Variants in PTPRO observed in about 807,000 individuals in gnomAD.
The protein encoded by PTPRO is receptor-type tyrosine-protein phosphatase O.
In PTPRO, 62 loss-of-function variants were observed where a neutral mutation model predicts 145.2. The ratio of observed to expected loss-of-function variants is 0.43; its 90% CI spans 0.35 to 0.53. The LOEUF (loss-of-function observed/expected upper bound fraction) is 0.53. Among genes scored for constraint, PTPRO ranks in the 20% least tolerant of loss-of-function variants. The pLI is 0.01. For missense variants in PTPRO, 1,345 were observed against 1,482.7 expected, an observed-to-expected ratio of 0.91 and a Z score of 1.53; for synonymous variants, 565 against 514.7, an observed-to-expected ratio of 1.10 and a Z score of -1.32.
intron 19 of PTPRO, among the ~76,000 whole-genome samples, chr12:15,569,986 C>T (rs1000336844): frequency 6.6e-6 from 1 of 152,166 alleles, no homozygotes; most frequent in African/African-American, 2.4e-5. Context: ...TACTTAATAA[C>T]TTTTGTGCAG....
intron 1 of PTPRO, among the ~76,000 whole-genome samples, chr12:15,404,013 G>A (rs1186496830): frequency 7.2e-5 from 11 of 151,834 alleles, no homozygotes; most frequent in African/African-American, 2.7e-4. Flanking sequence ...TGGCTAACAC[G>A]GTGAAACCCC....
At chr12:15,557,105 A>C (rs1565426825) in intron 15 of PTPRO, among the ~76,000 whole-genome samples, 1 of 149,584 alleles carries the variant, frequency 6.7e-6, no homozygotes, top group Non-Finnish European at 1.5e-5. Context: ...CGGTGGCGCG[A>C]TCTCTGCTCA....
chr12:15,326,228 A>G (rs1436868117), intron 1 of PTPRO, among the ~76,000 whole-genome samples: 1 of 152,174 alleles, frequency 6.6e-6, no homozygotes, highest in Non-Finnish European at 1.5e-5. Context: ...ATTTTGCTGG[A>G]GCAGCTTAGA....
At chr12:15,472,912 A>G (rs1264852394) in intron 1 of PTPRO, among the ~76,000 whole-genome samples, 1 of 152,114 alleles carries the variant, frequency 6.6e-6, no homozygotes, top group East Asian at 1.9e-4. Flanking sequence ...AAGGAACAAG[A>G]GCTCCTTCCC....
intron 1 of PTPRO, among the ~76,000 whole-genome samples, chr12:15,388,408 C>A (rs1939090797): frequency 6.6e-6 from 1 of 152,020 alleles, no homozygotes; most frequent in South Asian, 2.1e-4. Flanking sequence ...TGCACTGAAG[C>A]TTTTTTCTTC....
rs144293051 is a variant in PTPRO, at chr12:15,464,521, A to ATTT, written c.76-19451_76-19449dup. On this transcript the variant is annotated intron_variant, in intron 1 of 26. Coordinates refer to ENST00000281171, the MANE Select transcript of PTPRO (RefSeq NM_030667.3). ...AGGCACATGCCACCACGCCCAGCTA[A>ATTT]TTTTGTTTTTTTTTTTGTATTTTTA... 2.0e-3 allele frequency among the ~76,000 whole-genome samples: 292 copies of ATTT among 143,406 alleles called. 5 individuals carry two copies. Among genetic ancestry groups the ATTT allele is most frequent in the African/African-American group, 7.3e-3 (284 of 38,810 alleles). 94.1% of individuals were successfully genotyped at this position (143,406 alleles called of 152,430 possible). A position where few individuals can be genotyped will look rare whatever the true frequency, so the allele number is the denominator to read the frequency against.
chr12:15,561,819 T>G (rs1486995670), intron 17 of PTPRO, among the ~76,000 whole-genome samples: 3 of 152,158 alleles, frequency 2.0e-5, no homozygotes, highest in Non-Finnish European at 4.4e-5. Context: ...ATATATCATT[T>G]CCTTGCTTAA....
intron 4 of PTPRO, 82 bp from the exon 5 acceptor site, chr12:15,501,538 T>A: frequency 8.0e-7 from 1 of 1,257,254 alleles, no homozygotes; most frequent in Non-Finnish European, 1.1e-6. Context: ...AATCTGCTTG[T>A]GTACCTGACT....
At chr12:15,557,165 C>T (rs908334368) in intron 15 of PTPRO, among the ~76,000 whole-genome samples, 34 of 151,970 alleles carry the variant, frequency 2.2e-4, no homozygotes, top group African/African-American at 8.0e-4. Flanking sequence ...CTCAGCCTCC[C>T]GAGTAGCTGG....
intron 1 of PTPRO, among the ~76,000 whole-genome samples, chr12:15,427,435 C>A (rs116784483): frequency 2.0e-5 from 3 of 151,648 alleles, no homozygotes; most frequent in Admixed American, 1.3e-4. Flanking sequence ...TTAATGTTTG[C>A]ATGTCTGTCT....
At chr12:15,437,181 G>T (rs905322521) in intron 1 of PTPRO, among the ~76,000 whole-genome samples, 1 of 151,830 alleles carries the variant, frequency 6.6e-6, no homozygotes, top group African/African-American at 2.4e-5. Context: ...CATTCACCTG[G>T]TTCAGCAGCC....
chr12:15,396,724 C>T lies in PTPRO; in HGVS notation c.75+73923C>T, dbSNP rs1257097087. Among the ~76,000 whole-genome samples, 3 of 152,086 alleles carry T rather than the reference C, an allele frequency of 2.0e-5. No homozygotes were observed. The South Asian group carries it at 6.2e-4, about 32-fold the overall frequency. On this transcript the variant is annotated intron_variant, in intron 1 of 26. Transcript: ENST00000281171. ...CAACACTGTATGGACTTTTATGATT[C>T]TATAGAGGAAGAAAATAAAATGGAA...
chr12:15,500,858 G>T (rs564070985), intron 4 of PTPRO, among the ~76,000 whole-genome samples: 1 of 152,288 alleles, frequency 6.6e-6, no homozygotes, highest in East Asian at 1.9e-4. Context: ...GGAGGCGGAG[G>T]TTGCAGTGAG....
At chr12:15,350,839 C>T (rs888910927) in intron 1 of PTPRO, among the ~76,000 whole-genome samples, 10 of 152,184 alleles carry the variant, frequency 6.6e-5, no homozygotes, top group Admixed American at 2.0e-4. Context: ...GTGGAAGCTG[C>T]GGACATGTGG....
At chr12:15,489,736 C>T (rs1941961606) in intron 2 of PTPRO, among the ~76,000 whole-genome samples, 1 of 152,162 alleles carries the variant, frequency 6.6e-6, no homozygotes, top group Admixed American at 6.5e-5. Context: ...TACCCAGTCC[C>T]TATTCATGAT....
chr12:15,417,922 C>G lies in PTPRO; in HGVS notation c.76-66052C>G, dbSNP rs1262780129. 2.6e-5 allele frequency among the ~76,000 whole-genome samples: 4 copies of G among 151,676 alleles called. 1 individual carries two copies. The highest frequency in any genetic ancestry group is 9.8e-5 in the African/African-American group (4 of 40,992). ...ACAGTGCTGGGAGTGTGGCCTAAAG[C>G]AATGTAATACTAAGTGAAGTCAGAA... On this transcript the variant is annotated intron_variant, in intron 1 of 26. Transcript: ENST00000281171.
chr12:15,549,268 AATAT>A (rs10541885), intron 14 of PTPRO, 42 bp downstream of exon 14: 80 of 1,369,986 alleles, frequency 5.8e-5, no homozygotes, highest in East Asian at 1.0e-4. Context: ...ACTTTTTTTG[AATAT>A]ATATATATAT....
chr12:15,490,465 AT>A (rs1327681368), intron 2 of PTPRO, among the ~76,000 whole-genome samples: 1 of 152,132 alleles, frequency 6.6e-6, no homozygotes, highest in South Asian at 2.1e-4. Flanking sequence ...CCAAAATTTT[AT>A]TTTTTTATAC....
intron 12 of PTPRO, among the ~76,000 whole-genome samples, chr12:15,542,357 A>T (rs979547221): frequency 6.6e-6 from 1 of 152,170 alleles, no homozygotes; most frequent in Admixed American, 6.5e-5. Context: ...GTATCTCACA[A>T]TGTTTTAAGA....
Sources: gnomAD v4.1 joint callset for allele counts (sites outside exome capture counted in the v4.1 genomes callset) on GRCh38, gnomAD v4.1.1 for gene constraint, MANE v1.5 for transcripts, NCBI Gene and HGNC (gene_info 2026-07-23, HGNC 2026-07-21) for gene names.